Variants in TMEM132D observed in about 807,000 individuals in gnomAD.
TMEM132D encodes the protein transmembrane protein 132D.
A neutral mutation model predicts 62.3 loss-of-function variants in TMEM132D; 21 were observed. That is an observed-to-expected ratio of 0.34 (90% CI 0.24 to 0.49). The LOEUF is 0.49. Among genes scored for constraint, TMEM132D ranks in the 20% least tolerant of loss-of-function variants. The pLI is 0.99. For missense variants in TMEM132D, 1,346 were observed against 1,402.8 expected (o/e 0.96, Z 0.65); for synonymous variants, 621 against 575.6 (o/e 1.08, Z -1.13).
chr12:129,149,512 G>A (rs1175767182), intron 5 of TMEM132D, among the ~76,000 whole-genome samples: 1 of 152,150 alleles, frequency 6.6e-6, no homozygotes, highest in Admixed American at 6.6e-5. Flanking sequence ...ACAACTCATC[G>A]GACAGTCAGA....
intron 2 of TMEM132D, among the ~76,000 whole-genome samples, chr12:129,668,018 A>G (rs956337521): frequency 6.6e-6 from 1 of 151,724 alleles, no homozygotes; most frequent in Non-Finnish European, 1.5e-5. Flanking sequence ...TTTAAAAGAC[A>G]GTTTTATAAT....
intron 3 of TMEM132D, among the ~76,000 whole-genome samples, chr12:129,341,287 A>G (rs1869472174): frequency 6.6e-6 from 1 of 152,244 alleles, no homozygotes. Context: ...CCTGATATTC[A>G]TCAGAAGGGA....
At chr12:129,736,387 T>C (rs1869423895) in intron 1 of TMEM132D, among the ~76,000 whole-genome samples, 1 of 152,192 alleles carries the variant, frequency 6.6e-6, no homozygotes, top group South Asian at 2.1e-4. Flanking sequence ...ATATTGCTCT[T>C]ACCAAGTATT....
chr12:129,785,465 C>T (rs1054263696), intron 1 of TMEM132D, among the ~76,000 whole-genome samples: 6 of 152,338 alleles, frequency 3.9e-5, no homozygotes, highest in Admixed American at 3.3e-4. Flanking sequence ...ACGTAGCGCA[C>T]AGTACATGCT....
chr12:129,660,122 T>G (rs914151037), intron 2 of TMEM132D, among the ~76,000 whole-genome samples: 1 of 151,846 alleles, frequency 6.6e-6, no homozygotes, highest in Non-Finnish European at 1.5e-5. Flanking sequence ...GAAAAGGAGA[T>G]TAAGGCCAGG....
intron 1 of TMEM132D, among the ~76,000 whole-genome samples, chr12:129,890,649 C>T (rs372310255): frequency 2.6e-5 from 4 of 152,330 alleles, no homozygotes; most frequent in Admixed American, 6.5e-5. Context: ...CCTCACATCA[C>T]GCAATCAGCG....
chr12:129,742,426 C>T (rs900637384), intron 1 of TMEM132D, among the ~76,000 whole-genome samples: 2 of 152,098 alleles, frequency 1.3e-5, no homozygotes, highest in Admixed American at 1.3e-4. Flanking sequence ...AGTCAGATCT[C>T]ATGGTAACTC....
chr12:129,544,576 T>C (rs1310544144), intron 2 of TMEM132D, among the ~76,000 whole-genome samples: 1 of 152,214 alleles, frequency 6.6e-6, no homozygotes, highest in Non-Finnish European at 1.5e-5. Context: ...GCTTATGACA[T>C]ATTTTAATAT....
intron 5 of TMEM132D, among the ~76,000 whole-genome samples, chr12:129,176,337 T>G (rs1483090622): frequency 6.6e-6 from 1 of 152,184 alleles, no homozygotes; most frequent in Non-Finnish European, 1.5e-5. Context: ...CACAACAAAT[T>G]TACATACAGT....
At chr12:129,326,295 G>A (rs1868907138) in intron 4 of TMEM132D, among the ~76,000 whole-genome samples, 1 of 152,082 alleles carries the variant, frequency 6.6e-6, no homozygotes, top group Non-Finnish European at 1.5e-5. Context: ...GGGGATTGTA[G>A]GGGGGGATTT....
chr12:129,286,368 A>G (rs1347977814), intron 4 of TMEM132D, among the ~76,000 whole-genome samples: 2 of 152,192 alleles, frequency 1.3e-5, no homozygotes, highest in African/African-American at 4.8e-5. Context: ...CAGCTGAGAT[A>G]TTTTTTAAGG....
chr12:129,453,838 G>A (rs373639627), intron 3 of TMEM132D, among the ~76,000 whole-genome samples: 3 of 152,162 alleles, frequency 2.0e-5, no homozygotes, highest in African/African-American at 7.2e-5. Flanking sequence ...GTGCATCTGC[G>A]TGTTCCTGTG....
intron 2 of TMEM132D, among the ~76,000 whole-genome samples, chr12:129,571,666 C>T (rs925762028): frequency 3.3e-5 from 5 of 151,952 alleles, no homozygotes; most frequent in East Asian, 1.9e-4. Flanking sequence ...GCATGTGCAC[C>T]GTGGGCTCAT....
intron 2 of TMEM132D, among the ~76,000 whole-genome samples, chr12:129,572,598 C>A (rs549942805): frequency 6.6e-6 from 1 of 152,130 alleles, no homozygotes; most frequent in East Asian, 1.9e-4. Flanking sequence ...ACTAGGCATG[C>A]GGCATCACAC....
At chr12:129,394,399 T>A (rs1871365713) in intron 3 of TMEM132D, among the ~76,000 whole-genome samples, 1 of 152,138 alleles carries the variant, frequency 6.6e-6, no homozygotes, top group African/African-American at 2.4e-5. Context: ...ACCCAGTTGG[T>A]CAATACAATT....
chr12:129,331,052 A>G (rs1869086671), intron 4 of TMEM132D, among the ~76,000 whole-genome samples: 1 of 152,194 alleles, frequency 6.6e-6, no homozygotes, highest in Non-Finnish European at 1.5e-5. Flanking sequence ...TGCACAGAGT[A>G]GAGGAGCCAA....
chr12:129,509,231 A>G (rs184417238), intron 3 of TMEM132D, among the ~76,000 whole-genome samples: 40 of 152,312 alleles, frequency 2.6e-4, no homozygotes, highest in African/African-American at 8.7e-4. Context: ...CAGAAGGTCA[A>G]TGAGGGCTTA....
chr12:129,317,249 T>G (rs1382125275), intron 4 of TMEM132D, among the ~76,000 whole-genome samples: 1 of 152,256 alleles, frequency 6.6e-6, no homozygotes, highest in Non-Finnish European at 1.5e-5. Context: ...GTGTGATTTA[T>G]GCTTTAAAGA....
chr12:129,820,694 T>A (rs949941713), intron 1 of TMEM132D, among the ~76,000 whole-genome samples: 6 of 152,218 alleles, frequency 3.9e-5, no homozygotes, highest in African/African-American at 1.4e-4. Flanking sequence ...AAGAAATGAT[T>A]TATATGCATG....
Sources: allele counts gnomAD v4.1 joint callset (sites outside exome capture counted in the v4.1 genomes callset), GRCh38; gene constraint gnomAD v4.1.1; transcripts MANE v1.5; gene names NCBI Gene and HGNC (gene_info 2026-07-23, HGNC 2026-07-21).